Variants in PROM1 observed in about 807,000 individuals in gnomAD.
The protein encoded by PROM1 is prominin 1.
PROM1 carries 105 observed loss-of-function variants against 116.9 expected under a neutral mutation model. The ratio of observed to expected loss-of-function variants is 0.90; its 90% CI spans 0.77 to 1.06. The LOEUF (loss-of-function observed/expected upper bound fraction) is 1.06, where lower values mean the gene tolerates loss of function less well. Ranked by LOEUF, PROM1 falls within the 50% of genes least tolerant of loss-of-function variation. The pLI is 0.00. For missense variants in PROM1, 1,122 were observed against 1,045.2 expected, an observed-to-expected ratio of 1.07 and a Z score of -1.01; for synonymous variants, 393 against 387.0, an observed-to-expected ratio of 1.02 and a Z score of -0.18.
At position 16,071,220 on chromosome 4, in the gene PROM1, G is replaced by A. The variant is rs147179093; in HGVS notation, c.220+4467C>T. Among the ~76,000 whole-genome samples, 5 of 152,088 alleles carry A rather than the reference G, an allele frequency of 3.3e-5. No homozygotes were observed. The East Asian group carries it at 5.8e-4, about 18-fold the overall frequency. On this transcript the variant is annotated intron_variant, in intron 2 of 27. Transcript: ENST00000447510. ...TTCTCTTCCCCAAACTGAATTCCAC[G>A]TACACCCTGGCTGACAGCATCCAGC...
intron 8 of PROM1, among the ~76,000 whole-genome samples, chr4:16,020,541 A>G (rs949886233): frequency 6.6e-6 from 1 of 152,176 alleles, no homozygotes; most frequent in African/African-American, 2.4e-5. Flanking sequence ...ACTCAGAAAT[A>G]CACAGAAGAA....
At chr4:15,975,937 C>T (rs774998413) in intron 26 of PROM1, among the ~76,000 whole-genome samples, 10 of 152,166 alleles carry the variant, frequency 6.6e-5, no homozygotes, top group Non-Finnish European at 1.2e-4. Context: ...ACACTTCAAC[C>T]CACCCTTGGA....
chr4:16,028,551 C>A (rs1015932841), intron 5 of PROM1, among the ~76,000 whole-genome samples: 12 of 152,142 alleles, frequency 7.9e-5, no homozygotes, highest in Non-Finnish European at 1.8e-4. Flanking sequence ...CAAATTTAAA[C>A]CTTCTATTCA....
At chr4:15,975,158 A>G (rs1715784991) in intron 26 of PROM1, among the ~76,000 whole-genome samples, 1 of 152,220 alleles carries the variant, frequency 6.6e-6, no homozygotes, top group African/African-American at 2.4e-5. Context: ...CAGTGGTCAA[A>G]GGGTGAATGT....
chr4:16,041,514 A>G (rs1240722611), intron 2 of PROM1, among the ~76,000 whole-genome samples: 2 of 152,074 alleles, frequency 1.3e-5, no homozygotes. Context: ...ACAGTGGCTC[A>G]CACCTGTCAT....
chr4:16,027,071 C>T (rs561742825), intron 5 of PROM1, among the ~76,000 whole-genome samples: 2 of 152,106 alleles, frequency 1.3e-5, no homozygotes, highest in African/African-American at 4.8e-5. Flanking sequence ...TGGATGTACA[C>T]GTTCTCTAAG....
At chr4:15,969,749 T>C (rs1398070471) in intron 27 of PROM1, among the ~76,000 whole-genome samples, 1 of 151,900 alleles carries the variant, frequency 6.6e-6, no homozygotes. Flanking sequence ...CTAATTTTTA[T>C]ATTTTTTAGT....
At chr4:16,070,299 G>T (rs976044980) in intron 2 of PROM1, among the ~76,000 whole-genome samples, 2 of 152,158 alleles carry the variant, frequency 1.3e-5, no homozygotes, top group Admixed American at 6.5e-5. Context: ...GAACAGTTTT[G>T]TAGGTGGAAA....
intron 1 of PROM1, 22 bp from the exon 2 acceptor site, chr4:16,076,140 G>T: frequency 1.2e-6 from 1 of 800,026 alleles, no homozygotes; most frequent in Non-Finnish European, 1.8e-6. Context: ...AGAAACAGCA[G>T]CAGAGTCATC....
chr4:16,019,036 C>T (rs1318949118), intron 8 of PROM1, among the ~76,000 whole-genome samples: 3 of 152,198 alleles, frequency 2.0e-5, no homozygotes, highest in African/African-American at 7.2e-5. Context: ...CTCAGCTTTG[C>T]TATTTGCTGT....
intron 24 of PROM1, 146 bp from the exon 25 acceptor site, chr4:15,980,050 A>G (rs1281377958): frequency 1.6e-6 from 1 of 618,352 alleles, no homozygotes; most frequent in Non-Finnish European, 2.8e-6. Flanking sequence ...AGTGAAGTGA[A>G]AAACAAGGCA....
intron 24 of PROM1, 135 bp downstream of exon 24, chr4:15,980,287 G>A: frequency 3.0e-6 from 2 of 672,896 alleles, no homozygotes; most frequent in Admixed American, 2.7e-5. Context: ...CTGAACAGAA[G>A]TGACCCAACT....
At chr4:16,043,873 G>A (rs533999935) in intron 2 of PROM1, among the ~76,000 whole-genome samples, 2 of 152,284 alleles carry the variant, frequency 1.3e-5, no homozygotes, top group South Asian at 4.2e-4. Context: ...CTTCAGTATG[G>A]ACCTTCTGTG....
intron 23 of PROM1, among the ~76,000 whole-genome samples, chr4:15,981,645 T>C (rs1157102101): frequency 6.6e-6 from 1 of 152,070 alleles, no homozygotes; most frequent in African/African-American, 2.4e-5. Flanking sequence ...GCTGAGATGC[T>C]TGCATCTTCA....
intron 13 of PROM1, 74 bp from the exon 14 acceptor site, chr4:16,000,693 C>T: frequency 2.3e-6 from 3 of 1,287,936 alleles, no homozygotes; most frequent in Non-Finnish European, 3.2e-6. Flanking sequence ...ACTAAATCTA[C>T]CTATACTCTA....
intron 11 of PROM1, among the ~76,000 whole-genome samples, chr4:16,012,047 A>G (rs1031067318): frequency 6.6e-6 from 1 of 151,976 alleles, no homozygotes; most frequent in Non-Finnish European, 1.5e-5. Flanking sequence ...CCCAGGCTGG[A>G]GTGCAGTGGC....
chr4:16,016,315 TG>T, intron 9 of PROM1, 75 bp from the exon 10 acceptor site: 1 of 1,198,610 alleles, frequency 8.3e-7, no homozygotes, highest in Non-Finnish European at 1.2e-6. Context: ...AAGAAGTCAT[TG>T]TATATTCCAA....
intron 2 of PROM1, among the ~76,000 whole-genome samples, chr4:16,051,528 T>C (rs1035986811): frequency 6.6e-6 from 1 of 152,184 alleles, no homozygotes; most frequent in Non-Finnish European, 1.5e-5. Context: ...TGCCAAGCCC[T>C]CTCTGAGCAC....
At chr4:16,058,116 C>T (rs1326058342) in intron 2 of PROM1, among the ~76,000 whole-genome samples, 1 of 152,150 alleles carries the variant, frequency 6.6e-6, no homozygotes, top group African/African-American at 2.4e-5. Flanking sequence ...GCCTCAACAA[C>T]TGTAATGGAA....
Sources: gnomAD v4.1 joint callset for allele counts (sites outside exome capture counted in the v4.1 genomes callset) on GRCh38, gnomAD v4.1.1 for gene constraint, MANE v1.5 for transcripts, NCBI Gene and HGNC (gene_info 2026-07-23, HGNC 2026-07-21) for gene names.